Variants in BRD2 observed in about 807,000 individuals in gnomAD.
The protein encoded by BRD2 is bromodomain containing 2, also known as bromodomain-containing protein 2.
In BRD2, 15 loss-of-function variants were observed where a neutral mutation model predicts 79.1. The observed-to-expected ratio is 0.19, with a 90% CI of 0.13 to 0.29. BRD2 has a LOEUF of 0.29. BRD2 is among the 10% of genes least tolerant of loss of function. The pLI, the probability that BRD2 is intolerant of heterozygous loss-of-function variation, is 1.00. For synonymous variants in BRD2, 488 were observed against 358.6 expected (o/e 1.36, Z -4.08); for missense variants, 1,053 against 991.3 (o/e 1.06, Z -0.84).
At chr6:32,977,098 ATTTC>A in intron 7 of BRD2, 162 bp downstream of exon 7, 1 of 1,257,792 alleles carries the variant, frequency 8.0e-7, no homozygotes, top group Non-Finnish European at 1.1e-6. Context: ...GAGAATTTGT[ATTTC>A]TTGGAGTTTG....
rs1036860257 is a variant in BRD2, at chr6:32,981,356, ACAT to A, written c.*642_*644del. ...TTGCTTTTGTAGTGTTTCAAAAGGAACATCATAAGAATTGTCTTGATAATTTTG... is the reference window on the plus strand; with the variant it reads ...TTGCTTTTGTAGTGTTTCAAAAGGAACATAAGAATTGTCTTGATAATTTTG... On this transcript the variant is annotated 3_prime_UTR_variant, in exon 13 of 13. Coordinates refer to ENST00000374825, the MANE Select transcript of BRD2 (RefSeq NM_005104.4). 3 of 152,240 alleles carry A rather than the reference ACAT, an allele frequency of 2.0e-5. No individual in the cohort carries two copies. Among genetic ancestry groups the A allele is most frequent in the Non-Finnish European group, 2.9e-5 (2 of 68,056 alleles). 9.4% of individuals were successfully genotyped at this position (152,240 alleles called of 1,614,324 possible).
Position 32,972,825 on chromosome 6 carries a change from AC to A in BRD2, c.-72del, listed in dbSNP as rs1778197555. The A allele has an allele frequency of 6.2e-7, 1 of 1,608,786 alleles. No homozygotes were observed. Among genetic ancestry groups the A allele is most frequent in the South Asian group, 1.1e-5 (1 of 91,016 alleles). On this transcript the variant is annotated 5_prime_UTR_variant, in exon 2 of 13. The change creates a premature stop within an existing upstream ORF in the 5' untranslated region. Transcript: ENST00000374825. ...CCCCCAACTTAGCGGGTTATGCTGG[AC>A]CGGGCGGTGAGGGGAACCGAGGCCA...
intron 4 of BRD2, 36 bp from the exon 5 acceptor site, chr6:32,975,995 T>C: frequency 6.4e-7 from 1 of 1,572,398 alleles, no homozygotes; most frequent in Non-Finnish European, 8.6e-7. Context: ...TGTTGGCATT[T>C]TTTAACTTTC....
At chr6:32,969,159 G>A in intron 1 of BRD2, 103 bp downstream of exon 1, 3 of 545,036 alleles carry the variant, frequency 5.5e-6, no homozygotes, top group Non-Finnish European at 6.7e-6. Flanking sequence ...AATCCTGAGA[G>A]TGGGAAGATT....
At position 32,971,842 on chromosome 6, in the gene BRD2, G is replaced by C. The variant is rs146768927; in HGVS notation, c.-1057G>C. On this transcript the variant is annotated 5_prime_UTR_variant, in exon 2 of 13. Transcript: ENST00000374825. ...GAGAGAGTGCTGGAGGCTCTGGGGC[G>C]ATGGCTTCCGCACCTCTTCCAACCA... is the stretch of plus-strand genomic sequence containing the variant. 2.0e-4 allele frequency: 137 copies of C among 688,374 alleles called. No homozygotes were observed. Among genetic ancestry groups the C allele is most frequent in the Admixed American group, 8.6e-4 (41 of 47,594 alleles). 42.6% of individuals were successfully genotyped at this position (688,374 alleles called of 1,614,324 possible).
rs960169296 is a variant in BRD2, at chr6:32,972,243, A to G, written c.-656A>G. On this transcript the variant is annotated 5_prime_UTR_variant, in exon 2 of 13. Coordinates refer to ENST00000374825, the MANE Select transcript of BRD2 (RefSeq NM_005104.4). ...AGCAGCCTCTAGAACGAGCTGGAGG[A>G]TTCTGCCTACCGATACAGAGCCTTC... The G allele has an allele frequency of 1.0e-5, 5 of 478,202 alleles. 1 individual carries two copies. The highest frequency in any genetic ancestry group is 6.0e-5 in the South Asian group (3 of 49,724). The allele number at this position is 478,202 out of a possible 1,614,324, so 29.6% of individuals were successfully genotyped here. A position where few individuals can be genotyped will look rare whatever the true frequency, so the allele number is the denominator to read the frequency against.
chr6:32,974,603 C>G lies in BRD2; in HGVS notation c.171C>G (p.Thr57=), dbSNP rs767109720. ...TMASVPALQL[T]PANPPPPEVS... is the part of the protein sequence containing the mutation. ...CTTCGGTGCCTGCTTTGCAACTTACCCCTGCCAACCCACCACCCCCGGAGG... is the reference window on the plus strand; with the variant it reads ...CTTCGGTGCCTGCTTTGCAACTTACGCCTGCCAACCCACCACCCCCGGAGG... The change falls in exon 3 of 13, where the codon ACC becomes ACG. Residue 57 remains threonine, a synonymous_variant. Coordinates refer to ENST00000374825, the MANE Select transcript of BRD2 (RefSeq NM_005104.4). The G allele has an allele frequency of 1.9e-6, 3 of 1,614,196 alleles. No homozygotes were observed. The highest frequency in any genetic ancestry group is 2.5e-6 in the Non-Finnish European group (3 of 1,180,032).
Position 32,981,192 on chromosome 6 carries a change from TG to T in BRD2, c.*475del, listed in dbSNP as rs1251648450. ...TACGTTGATTTTTTTTTTTCTACTCTGTTTTCCCTTTTTCCTTCCGCTCCAT... is the reference window on the plus strand; with the variant it reads ...TACGTTGATTTTTTTTTTTCTACTCTTTTTCCCTTTTTCCTTCCGCTCCAT... On this transcript the variant is annotated 3_prime_UTR_variant, in exon 13 of 13. Coordinates refer to ENST00000374825, the MANE Select transcript of BRD2 (RefSeq NM_005104.4). 1 of 154,150 alleles carries T rather than the reference TG, an allele frequency of 6.5e-6. No individual in the cohort carries two copies. The highest frequency in any genetic ancestry group is 2.6e-5 in the African/African-American group (1 of 39,006). 9.5% of individuals were successfully genotyped at this position (154,150 alleles called of 1,614,324 possible). A position where few individuals can be genotyped will look rare whatever the true frequency, so the allele number is the denominator to read the frequency against.
rs76146382 is a variant in BRD2 at position 32,975,452 on chromosome 6, T to C, written c.402T>C (p.Tyr134=). ...TTAAGAGGAGACTTGAAAACAATTA[T>C]TATTGGGCTGCTTCAGAGTGTATGC... is the stretch of plus-strand genomic sequence containing the variant. The part of the protein sequence containing the change: ...GTIKRRLENN[Y]YWAASECMQD... The change falls in exon 4 of 13, where the codon TAT becomes TAC. Residue 134 remains tyrosine, a synonymous_variant. Coordinates refer to ENST00000374825, the MANE Select transcript of BRD2 (RefSeq NM_005104.4). 3.3e-3 allele frequency: 5,357 copies of C among 1,612,534 alleles called. 119 individuals carry two copies. The highest frequency in any genetic ancestry group is 0.031 in the South Asian group (2,792 of 91,066).
chr6:32,980,771 A>C lies in BRD2; in HGVS notation c.*53A>C, dbSNP rs201062187. 2.5e-6 allele frequency: 4 copies of C among 1,592,306 alleles called. No homozygotes were observed. The highest frequency in any genetic ancestry group is 8.6e-7 in the Non-Finnish European group (1 of 1,166,476). On this transcript the variant is annotated 3_prime_UTR_variant, in exon 13 of 13. Coordinates refer to ENST00000374825, the MANE Select transcript of BRD2 (RefSeq NM_005104.4). ...CTCCGCAGGACCGGACCCCTAGACC[A>C]CCCTGCCCCACCTGCCCCTTCCCCC... is the stretch of plus-strand genomic sequence containing the variant.
At position 32,976,179 on chromosome 6, in the gene BRD2, G is replaced by A; in HGVS notation, c.610+10G>A. On this transcript the variant is annotated intron_variant, in intron 5 of 12. Transcript: ENST00000374825. ...GGGGCCAAGTTGGCAGGTAGGAAGA[G>A]TGGGAGTTTTGCAAATGGACAACTA... The A allele has an allele frequency of 6.2e-7, 1 of 1,603,562 alleles. No individual in the cohort carries two copies. Among genetic ancestry groups the A allele is most frequent in the East Asian group, 2.2e-5 (1 of 44,722 alleles).
Position 32,972,687 on chromosome 6 carries a change from C to T in BRD2, c.-212C>T, listed in dbSNP as rs1216722234. ...CCGCCGCCATTTTCTTGCTGTCCGC[C>T]GTCTGCAGAGCGCGCCAAGCTGCCC... is the stretch of plus-strand genomic sequence containing the variant. On this transcript the variant is annotated 5_prime_UTR_variant, in exon 2 of 13. Coordinates refer to ENST00000374825, the MANE Select transcript of BRD2 (RefSeq NM_005104.4). The T allele has an allele frequency of 1.5e-6, 1 of 658,452 alleles. No individual in the cohort carries two copies. Among genetic ancestry groups the T allele is most frequent in the Non-Finnish European group, 2.6e-6 (1 of 387,486 alleles). 40.8% of individuals were successfully genotyped at this position (658,452 alleles called of 1,614,324 possible).
Position 32,976,185 on chromosome 6 carries a change from GTT to G in BRD2, c.610+19_610+20del, listed in dbSNP as rs1222329268. The G allele has an allele frequency of 6.3e-7, 1 of 1,591,552 alleles. No homozygotes were observed. The highest frequency in any genetic ancestry group is 8.5e-7 in the Non-Finnish European group (1 of 1,171,752). On this transcript the variant is annotated intron_variant, in intron 5 of 12. Coordinates refer to ENST00000374825, the MANE Select transcript of BRD2 (RefSeq NM_005104.4). ...AAGTTGGCAGGTAGGAAGAGTGGGA[GTT>G]TTGCAAATGGACAACTAAAGATGGG...
chr6:32,975,049 C>T (rs909233277), intron 3 of BRD2: 4 of 1,522,002 alleles, frequency 2.6e-6, no homozygotes, highest in African/African-American at 1.4e-5. Flanking sequence ...GAGAGGACCA[C>T]GGTGGCCAAA....
At chr6:32,978,454 C>T (rs773652441) in intron 10 of BRD2, 66 bp downstream of exon 10, 2 of 1,560,488 alleles carry the variant, frequency 1.3e-6, no homozygotes, top group Non-Finnish European at 1.7e-6. Context: ...TGCCATCTCT[C>T]TTTGCAAAGA....
intron 7 of BRD2, 128 bp from the exon 8 acceptor site, chr6:32,977,314 A>AGGGCACAGATCCTTAAGGTCATCCCCACT: frequency 2.5e-6 from 4 of 1,602,610 alleles, no homozygotes; most frequent in Non-Finnish European, 2.5e-6. Context: ...CTTGAACCCC[A>AGGGCACAGATCCTTAAGGTCATCCCCACT]GGGCACAGAT....
intron 7 of BRD2, 172 bp from the exon 8 acceptor site, chr6:32,977,270 T>C: frequency 1.3e-6 from 2 of 1,560,288 alleles, no homozygotes. Flanking sequence ...ACATAAATAT[T>C]TCTTCAACCC....
rs755194471 is a variant in BRD2, at chr6:32,980,562, C to G, written c.2270-20C>G. 9 of 1,612,914 alleles carry G rather than the reference C, an allele frequency of 5.6e-6. No homozygotes were observed. The African/African-American group carries it at 9.3e-5, about 17-fold the overall frequency. Reference sequence around the variant, plus strand: ...AAGATTCAGACTTGAACGTCTTTAACTTTCGAATTTGTTCTGCAGCGAATG... The same window carrying G: ...AAGATTCAGACTTGAACGTCTTTAAGTTTCGAATTTGTTCTGCAGCGAATG... On this transcript the variant is annotated intron_variant, in intron 12 of 12. Coordinates refer to ENST00000374825, the MANE Select transcript of BRD2 (RefSeq NM_005104.4).
intron 8 of BRD2, 61 bp from the exon 9 acceptor site, chr6:32,977,696 G>A: frequency 1.2e-6 from 2 of 1,606,554 alleles, no homozygotes; most frequent in Non-Finnish European, 1.7e-6. Flanking sequence ...TATATCACTT[G>A]GTGGCTGGGT....
Sources: allele counts gnomAD v4.1 joint callset, GRCh38; gene constraint gnomAD v4.1.1; transcripts MANE v1.5; gene names NCBI Gene and HGNC (gene_info 2026-07-23, HGNC 2026-07-21).